Variants in FTO observed in about 807,000 individuals in gnomAD.
The protein encoded by FTO is alpha-ketoglutarate-dependent dioxygenase FTO.
In FTO, 47 loss-of-function variants were observed where a neutral mutation model predicts 63.9. The ratio of observed to expected loss-of-function variants is 0.74; its 90% CI spans 0.58 to 0.94. The LOEUF (loss-of-function observed/expected upper bound fraction) is 0.94, where lower values mean the gene tolerates loss of function less well. Ranked by LOEUF, FTO falls within the 40% of genes least tolerant of loss-of-function variation. FTO has a pLI of 0.00. For missense variants in FTO, 562 were observed against 618.1 expected (o/e 0.91, Z 0.96); for synonymous variants, 207 against 224.4 (o/e 0.92, Z 0.69).
At chr16:53,837,815 A>T (rs1157005250) in intron 3 of FTO, among the ~76,000 whole-genome samples, 1 of 152,192 alleles carries the variant, frequency 6.6e-6, no homozygotes, top group African/African-American at 2.4e-5. Context: ...AGAAGCTGGT[A>T]CCTTCTAGAG....
At chr16:53,762,720 A>G (rs1598599319) in intron 1 of FTO, among the ~76,000 whole-genome samples, 1 of 152,326 alleles carries the variant, frequency 6.6e-6, no homozygotes, top group East Asian at 1.9e-4. Flanking sequence ...TAAAGAAATG[A>G]TGAATATTGA....
chr16:53,875,295 C>A (rs570277397), intron 5 of FTO, among the ~76,000 whole-genome samples: 2 of 152,278 alleles, frequency 1.3e-5, no homozygotes, highest in South Asian at 4.1e-4. Context: ...CTTTCCTAAT[C>A]TAATCCAGAA....
chr16:54,079,079 CTAAA>C (rs879588748), intron 8 of FTO, among the ~76,000 whole-genome samples: 40 of 152,126 alleles, frequency 2.6e-4, no homozygotes, highest in African/African-American at 8.0e-4. Context: ...ATTGTTAAAA[CTAAA>C]TAATAAATTT....
intron 1 of FTO, among the ~76,000 whole-genome samples, chr16:53,725,635 A>C (rs571764966): frequency 6.6e-6 from 1 of 152,348 alleles, no homozygotes; most frequent in South Asian, 2.1e-4. Flanking sequence ...AGAATAGGGC[A>C]ATTAGTTGAC....
At chr16:54,010,475 A>G (rs996063147) in intron 8 of FTO, among the ~76,000 whole-genome samples, 2 of 152,140 alleles carry the variant, frequency 1.3e-5, no homozygotes, top group East Asian at 3.8e-4. Context: ...ATATTAGTAA[A>G]TCTTCAATAA....
intron 8 of FTO, among the ~76,000 whole-genome samples, chr16:53,961,891 C>A (rs79444436): frequency 6.6e-6 from 1 of 152,068 alleles, no homozygotes; most frequent in East Asian, 1.9e-4. Context: ...GACTTCCCAC[C>A]GGGCACCTTT....
chr16:53,825,984 C>G lies in FTO; in HGVS notation c.244C>G (p.Leu82Val). Residue 82 changes from leucine (L) to valine (V), a missense_variant, in exon 3 of 9, where the codon CTG (leucine) becomes GTG (valine). Transcript: ENST00000471389. Reference sequence around the variant, plus strand: ...CAAGCATGGCTGCTTATTTCGGGACCTGGTTAGGATCCAAGGCAAAGATCT... The same window carrying G: ...CAAGCATGGCTGCTTATTTCGGGACGTGGTTAGGATCCAAGGCAAAGATCT... The part of the protein sequence containing the change: ...LHKHGCLFRD[L>V]VRIQGKDLLT... 1 of 1,614,196 alleles carries G rather than the reference C, an allele frequency of 6.2e-7. No homozygotes were observed. The highest frequency in any genetic ancestry group is 8.5e-7 in the Non-Finnish European group (1 of 1,180,044).
rs2086922085 is a variant in FTO at position 54,112,987 on chromosome 16, G to C, written c.*1072G>C. On this transcript the variant is annotated 3_prime_UTR_variant, in exon 9 of 9. Coordinates refer to ENST00000471389, the MANE Select transcript of FTO (RefSeq NM_001080432.3). ...ACTCCCACTAGCTTCGTGTCCTTTG[G>C]CATGTTAACGTGCCTCAGTTTCCTC... The C allele has an allele frequency of 6.6e-6, 1 of 152,164 alleles. No individual in the cohort carries two copies. Among genetic ancestry groups the C allele is most frequent in the African/African-American group, 2.4e-5 (1 of 41,440 alleles). The allele number at this position is 152,164 out of a possible 1,614,324, so 9.4% of individuals were successfully genotyped here.
intron 4 of FTO, among the ~76,000 whole-genome samples, chr16:53,845,068 TG>T (rs1427181217): frequency 6.6e-6 from 1 of 152,216 alleles, no homozygotes; most frequent in African/African-American, 2.4e-5. Context: ...TGTGAGGCTT[TG>T]TTTTTTTCTT....
intron 1 of FTO, among the ~76,000 whole-genome samples, chr16:53,738,571 G>C (rs911509796): frequency 3.9e-5 from 6 of 152,126 alleles, no homozygotes; most frequent in African/African-American, 7.2e-5. Context: ...GGAGGTTTTT[G>C]TGTGGCCATA....
intron 2 of FTO, among the ~76,000 whole-genome samples, chr16:53,820,545 T>C (rs1392914164): frequency 1.3e-5 from 2 of 151,764 alleles, no homozygotes; most frequent in African/African-American, 2.4e-5. Flanking sequence ...TAGTTACATA[T>C]GTATACATGT....
At chr16:53,934,724 G>A (rs1318079548) in intron 8 of FTO, among the ~76,000 whole-genome samples, 15 of 152,160 alleles carry the variant, frequency 9.9e-5, no homozygotes, top group Admixed American at 9.8e-4. Context: ...ATAAGTATTA[G>A]TGTATCTAAG....
rs561416545 is a variant in FTO at position 53,814,363 on chromosome 16, C to T, written c.123+4146C>T. ...ATCCTCAGTAACCCCCTTGCTGTCA[C>T]TGATTGTGTGCTAGCTGTGTGCCAG... On this transcript the variant is annotated intron_variant, in intron 2 of 8. Transcript: ENST00000471389. Among the ~76,000 whole-genome samples, 5 of 152,280 alleles carry T rather than the reference C, an allele frequency of 3.3e-5. No homozygotes were observed. The East Asian group carries it at 9.7e-4, about 29-fold the overall frequency.
chr16:53,944,550 T>A (rs1487277290), intron 8 of FTO, among the ~76,000 whole-genome samples: 1 of 152,182 alleles, frequency 6.6e-6, no homozygotes, highest in East Asian at 1.9e-4. Context: ...TTAATTAATA[T>A]GTTTGGGGGC....
At chr16:53,897,069 C>G (rs2081295489) in intron 7 of FTO, among the ~76,000 whole-genome samples, 2 of 152,106 alleles carry the variant, frequency 1.3e-5, no homozygotes, top group African/African-American at 4.8e-5. Context: ...AATAATGACC[C>G]TTTTTTAACC....
At chr16:53,885,982 T>G (rs1304013001) in intron 6 of FTO, among the ~76,000 whole-genome samples, 1 of 152,292 alleles carries the variant, frequency 6.6e-6, no homozygotes, top group African/African-American at 2.4e-5. Flanking sequence ...TTCAAACTCC[T>G]GGGCTCAAGT....
chr16:53,752,065 A>G (rs549460051), intron 1 of FTO, among the ~76,000 whole-genome samples: 1 of 152,230 alleles, frequency 6.6e-6, no homozygotes, highest in Non-Finnish European at 1.5e-5. Context: ...AAGAATATTC[A>G]TTGTGGCATT....
chr16:53,707,108 G>A (rs2151454804), intron 1 of FTO, among the ~76,000 whole-genome samples: 1 of 152,278 alleles, frequency 6.6e-6, no homozygotes, highest in South Asian at 2.1e-4. Flanking sequence ...CAAACTTGGT[G>A]GCTTAAAACA....
At chr16:54,058,596 CTT>C (rs1213406498) in intron 8 of FTO, among the ~76,000 whole-genome samples, 1 of 152,202 alleles carries the variant, frequency 6.6e-6, no homozygotes, top group Non-Finnish European at 1.5e-5. Context: ...CCTACACACT[CTT>C]TTTCCATCTG....
Sources: allele counts gnomAD v4.1 joint callset (sites outside exome capture counted in the v4.1 genomes callset), GRCh38; gene constraint gnomAD v4.1.1; transcripts MANE v1.5; gene names NCBI Gene and HGNC (gene_info 2026-07-23, HGNC 2026-07-21).